The following SLC7A13 variants were observed in gnomAD, a reference collection of about 807,000 sequenced individuals.
SLC7A13 encodes solute carrier family 7 member 13.
A neutral mutation model predicts 32.0 loss-of-function variants in SLC7A13; 31 were observed. That is an observed-to-expected ratio of 0.97 (90% CI 0.73 to 1.31). The LOEUF is 1.31. SLC7A13 is among the 50% of genes most tolerant of loss of function. The pLI, the probability that SLC7A13 is intolerant of heterozygous loss-of-function variation, is 0.00. For missense variants in SLC7A13, 633 were observed against 546.9 expected, an observed-to-expected ratio of 1.16 and a Z score of -1.57; for synonymous variants, 232 against 206.9, an observed-to-expected ratio of 1.12 and a Z score of -1.04.
chr8:86,215,352 A>C (rs2129776597), intron 3 of SLC7A13, among the ~76,000 whole-genome samples: 1 of 152,162 alleles, frequency 6.6e-6, no homozygotes, highest in South Asian at 2.1e-4. Context: ...ATGAAACAAA[A>C]CCCTTTAATT....
chr8:86,225,107 C>T (rs72688510), intron 1 of SLC7A13, among the ~76,000 whole-genome samples: 5,979 of 152,088 alleles, frequency 0.039, 194 homozygotes, highest in African/African-American at 0.091. Flanking sequence ...CCAGTAAGTT[C>T]CCCTTTTATT....
intron 1 of SLC7A13, among the ~76,000 whole-genome samples, chr8:86,226,086 A>C (rs1820385477): frequency 6.6e-6 from 1 of 152,186 alleles, no homozygotes; most frequent in African/African-American, 2.4e-5. Context: ...TTTGTTCACC[A>C]CTAGCGGCTT....
intron 2 of SLC7A13, among the ~76,000 whole-genome samples, chr8:86,221,961 A>T (rs963415931): frequency 1.3e-5 from 2 of 152,282 alleles, no homozygotes; most frequent in Middle Eastern, 6.8e-3. Flanking sequence ...GGTAGTTAAT[A>T]AATCACTGCT....
At position 86,217,731 on chromosome 8, in the gene SLC7A13, A is replaced by G. The variant is rs569749738; in HGVS notation, c.918T>C (p.Ser306=). Reference sequence around the variant, plus strand: ...ATATTGGTCTCGATGATTTAAATATAGAAATCAGAAGGTTGCTAAATAATG... The same window carrying G: ...ATATTGGTCTCGATGATTTAAATATGGAAATCAGAAGGTTGCTAAATAATG... ...STSLFSNLLI[S]IFKSSRPIYL... is the part of the protein sequence containing the mutation. Residue 306 remains serine (S), a synonymous_variant, in exon 3 of 4, where the codon TCT becomes TCC. Transcript: ENST00000297524. 30 of 1,613,320 alleles carry G rather than the reference A, an allele frequency of 1.9e-5. 1 individual carries two copies. In the South Asian group the frequency reaches 2.6e-4, roughly 14 times the overall value.
chr8:86,225,115 A>G (rs936046524), intron 1 of SLC7A13, among the ~76,000 whole-genome samples: 1 of 152,014 alleles, frequency 6.6e-6, no homozygotes, highest in African/African-American at 2.4e-5. Context: ...TTCCCCTTTT[A>G]TTGTTTAAGT....
chr8:86,222,950 C>G (rs780500730), intron 2 of SLC7A13, 22 bp downstream of exon 2: 1 of 1,573,880 alleles, frequency 6.4e-7, no homozygotes, highest in Admixed American at 1.9e-5. Flanking sequence ...TTATTTATTG[C>G]TTTAGCCATT....
intron 2 of SLC7A13, among the ~76,000 whole-genome samples, chr8:86,220,384 A>T (rs1820273761): frequency 6.6e-6 from 1 of 152,140 alleles, no homozygotes; most frequent in African/African-American, 2.4e-5. Context: ...TTCCCTTCTC[A>T]GTTGTGAAAC....
chr8:86,230,245 T>C lies in SLC7A13; in HGVS notation c.33A>G (p.Arg11=). The change falls in exon 1 of 4, where the codon AGA becomes AGG. Residue 11 remains arginine, a synonymous_variant. Transcript: ENST00000297524. ...TTGTGCCCCACCAATATCCAAACACTCTCTTGAGCTGTATTTTCTCCCCTC... is the reference window on the plus strand; with the variant it reads ...TTGTGCCCCACCAATATCCAAACACCCTCTTGAGCTGTATTTTCTCCCCTC... MDRGEKIQLK[R]VFGYWWGTSF... The C allele has an allele frequency of 6.2e-7, 1 of 1,607,674 alleles. No homozygotes were observed. Among genetic ancestry groups the C allele is most frequent in the Non-Finnish European group, 8.5e-7 (1 of 1,176,966 alleles).
intron 3 of SLC7A13, 32 bp downstream of exon 3, chr8:86,217,438 C>T: frequency 6.7e-7 from 1 of 1,493,482 alleles, no homozygotes; most frequent in Non-Finnish European, 8.9e-7. Context: ...TCTGTTATTT[C>T]ACACAGAAAA....
chr8:86,223,589 A>G (rs535038478), intron 1 of SLC7A13, among the ~76,000 whole-genome samples: 1 of 152,000 alleles, frequency 6.6e-6, no homozygotes, highest in Admixed American at 6.6e-5. Flanking sequence ...TGTCCTATTC[A>G]TTTATTTTCT....
chr8:86,222,398 C>A (rs189480962), intron 2 of SLC7A13, among the ~76,000 whole-genome samples: 14 of 151,964 alleles, frequency 9.2e-5, no homozygotes, highest in African/African-American at 3.1e-4. Context: ...TTCTTTTATT[C>A]TTTATTCTAC....
At chr8:86,215,695 CA>C (rs11375308) in intron 3 of SLC7A13, 43 of 438,332 alleles carry the variant, frequency 9.8e-5, no homozygotes, top group Admixed American at 3.0e-4. Context: ...GACTCTGTCT[CA>C]AAAAAAAGAA....
chr8:86,218,237 T>A (rs1015990399), intron 2 of SLC7A13, among the ~76,000 whole-genome samples: 3 of 152,086 alleles, frequency 2.0e-5, no homozygotes, highest in Admixed American at 6.6e-5. Flanking sequence ...GTTTATAGAG[T>A]CCTGATAGTT....
At chr8:86,221,321 A>G (rs1820291586) in intron 2 of SLC7A13, among the ~76,000 whole-genome samples, 1 of 152,102 alleles carries the variant, frequency 6.6e-6, no homozygotes, top group South Asian at 2.1e-4. Context: ...GGATATTTTT[A>G]TGGTTTTTAA....
In SLC7A13 at chr8:86,214,297, A is replaced by C; in HGVS notation, c.*116T>G. On this transcript the variant is annotated 3_prime_UTR_variant, in exon 4 of 4. Coordinates refer to ENST00000297524, the MANE Select transcript of SLC7A13 (RefSeq NM_138817.3). Reference sequence around the variant, plus strand: ...ACATTACTTATTTCATTTGAGAAAAAAATATTTACCATAGGAATTTCACCA... The same window carrying C: ...ACATTACTTATTTCATTTGAGAAAACAATATTTACCATAGGAATTTCACCA... 1 of 670,304 alleles carries C rather than the reference A, an allele frequency of 1.5e-6. No homozygotes were observed. Among genetic ancestry groups the C allele is most frequent in the Non-Finnish European group, 2.5e-6 (1 of 405,998 alleles). 41.5% of individuals were successfully genotyped at this position (670,304 alleles called of 1,614,324 possible). A position where few individuals can be genotyped will look rare whatever the true frequency, so the allele number is the denominator to read the frequency against.
chr8:86,219,114 T>C (rs1820244740), intron 2 of SLC7A13, among the ~76,000 whole-genome samples: 1 of 152,186 alleles, frequency 6.6e-6, no homozygotes. Context: ...CAACTTTGGA[T>C]CTTTCTTAAA....
intron 3 of SLC7A13, among the ~76,000 whole-genome samples, chr8:86,215,987 G>A (rs1432917270): frequency 6.6e-6 from 1 of 152,094 alleles, no homozygotes; most frequent in South Asian, 2.1e-4. Flanking sequence ...TTAATATGAG[G>A]TAGGTATTAT....
chr8:86,215,670 G>T, intron 3 of SLC7A13: 1 of 446,456 alleles, frequency 2.2e-6, no homozygotes, highest in Non-Finnish European at 4.5e-6. Flanking sequence ...TCTCCAGCCT[G>T]GACGACAAGA....
intron 2 of SLC7A13, 59 bp from the exon 3 acceptor site, chr8:86,217,890 A>T: frequency 6.9e-7 from 1 of 1,450,198 alleles, no homozygotes; most frequent in Non-Finnish European, 9.2e-7. Context: ...ACTAATGATA[A>T]ACCTTTTAAT....
Sources: gnomAD v4.1 joint callset for allele counts (sites outside exome capture counted in the v4.1 genomes callset) on GRCh38, gnomAD v4.1.1 for gene constraint, MANE v1.5 for transcripts, NCBI Gene and HGNC (gene_info 2026-07-23, HGNC 2026-07-21) for gene names.